The following DLGAP1 variants were observed in gnomAD, a reference collection of about 807,000 sequenced individuals.
DLGAP1 encodes the protein DLG associated protein 1.
DLGAP1 carries 11 observed loss-of-function variants against 90.8 expected under a neutral mutation model. The observed-to-expected ratio is 0.12, with a 90% confidence interval of 0.08 to 0.20. The LOEUF (loss-of-function observed/expected upper bound fraction) is 0.20, where lower values mean the gene tolerates loss of function less well. DLGAP1 is among the 10% of genes least tolerant of loss of function. DLGAP1 has a pLI of 1.00. For synonymous variants in DLGAP1, 558 were observed against 540.7 expected (o/e 1.03, Z -0.44); for missense variants, 1,050 against 1,333.8 (o/e 0.79, Z 3.31).
In DLGAP1 at chr18:4,004,907, GGTGTGTGT is replaced by G. The variant is rs3031739; in HGVS notation, c.-73+201_-73+208del. The G allele has an allele frequency of 4.4e-3, 646 of 146,942 alleles. 6 individuals carry two copies. The highest frequency in any genetic ancestry group is 0.017 in the Middle Eastern group (5 of 286). 9.1% of individuals were successfully genotyped at this position (146,942 alleles called of 1,614,324 possible). A position where few individuals can be genotyped will look rare whatever the true frequency, so the allele number is the denominator to read the frequency against. On this transcript the variant is annotated intron_variant, in intron 3 of 12. Coordinates refer to ENST00000315677, the MANE Select transcript of DLGAP1 (RefSeq NM_004746.4). ...GTCCATTAATTGCCTCAGAGGGAAG[GGTGTGTGT>G]GTGTGTGTGTGTGTGTGTGTGTGTG...
intron 2 of DLGAP1, among the ~76,000 whole-genome samples, chr18:4,069,523 T>C (rs566943125): frequency 8.1e-4 from 124 of 152,266 alleles, no homozygotes; most frequent in Middle Eastern, 3.4e-3. Flanking sequence ...CCCTTGGTAT[T>C]GTCCTCGAGA....
intron 5 of DLGAP1, among the ~76,000 whole-genome samples, chr18:3,773,362 T>C (rs561902173): frequency 1.3e-5 from 2 of 152,316 alleles, no homozygotes; most frequent in Admixed American, 6.5e-5. Flanking sequence ...CATAACACAG[T>C]GTTTTGTATA....
chr18:4,362,118 T>C (rs1383778295), intron 1 of DLGAP1, among the ~76,000 whole-genome samples: 3 of 152,170 alleles, frequency 2.0e-5, no homozygotes, highest in Non-Finnish European at 4.4e-5. Context: ...ACTGGAACAC[T>C]TGTACACTGT....
rs137867975 is a variant in DLGAP1, at chr18:3,589,971, C to A, written c.1592-7723G>T. On this transcript the variant is annotated intron_variant, in intron 7 of 12. Coordinates refer to ENST00000315677, the MANE Select transcript of DLGAP1 (RefSeq NM_004746.4). Reference sequence around the variant, plus strand: ...TGTTGCCCAGGCTGGAGCGCAATGGCACCGTCTCGGCTCACTGCAACATCC... The same window carrying A: ...TGTTGCCCAGGCTGGAGCGCAATGGAACCGTCTCGGCTCACTGCAACATCC... Among the ~76,000 whole-genome samples, 680 of 152,290 alleles carry A rather than the reference C, an allele frequency of 4.5e-3. 4 individuals are homozygous for A. The highest frequency in any genetic ancestry group is 0.015 in the African/African-American group (640 of 41,572).
intron 1 of DLGAP1, among the ~76,000 whole-genome samples, chr18:4,291,619 G>A (rs2079851757): frequency 1.3e-5 from 2 of 151,776 alleles, no homozygotes; most frequent in Non-Finnish European, 2.9e-5. Flanking sequence ...ATCATCAGTA[G>A]GTCTCATTTA....
chr18:3,512,816 A>G (rs976859784), intron 10 of DLGAP1, among the ~76,000 whole-genome samples: 13 of 152,190 alleles, frequency 8.5e-5, no homozygotes, highest in African/African-American at 3.1e-4. Flanking sequence ...TTGCGTCTGA[A>G]TCTACTTAAG....
chr18:3,705,740 C>A (rs182997493), intron 7 of DLGAP1, among the ~76,000 whole-genome samples: 1 of 151,646 alleles, frequency 6.6e-6, no homozygotes, highest in South Asian at 2.1e-4. Flanking sequence ...CTCACTACAA[C>A]CTCTGCCTCC....
intron 4 of DLGAP1, among the ~76,000 whole-genome samples, chr18:3,872,809 A>G (rs921496066): frequency 6.6e-6 from 1 of 152,150 alleles, no homozygotes; most frequent in African/African-American, 2.4e-5. Context: ...AATCAAGCAA[A>G]CTGTCTTCTG....
At chr18:4,421,252 ATC>A (rs937545445) in intron 1 of DLGAP1, among the ~76,000 whole-genome samples, 9 of 150,388 alleles carry the variant, frequency 6.0e-5, no homozygotes, top group Admixed American at 2.0e-4. Flanking sequence ...TTGTAGCCAC[ATC>A]TCTCTCTCTC....
In DLGAP1 at chr18:4,211,983, CAA is replaced by C. The variant is rs544743299; in HGVS notation, c.-266-60698_-266-60697del. On this transcript the variant is annotated intron_variant, in intron 1 of 12. Coordinates refer to ENST00000315677, the MANE Select transcript of DLGAP1 (RefSeq NM_004746.4). ...AGTCCCAAGAAACTTTTTAAAAATA[CAA>C]ACATGTCTGTGTTTTGTATGCGTTT... Among the ~76,000 whole-genome samples the C allele has an allele frequency of 5.1e-4, 78 of 152,246 alleles. 1 individual carries two copies. The highest frequency in any genetic ancestry group is 1.9e-3 in the East Asian group (10 of 5,178).
intron 3 of DLGAP1, among the ~76,000 whole-genome samples, chr18:3,922,902 C>T (rs1046027175): frequency 6.6e-6 from 1 of 151,862 alleles, no homozygotes; most frequent in Non-Finnish European, 1.5e-5. Flanking sequence ...GGAGGCTGAG[C>T]GGGGAGGATC....
intron 1 of DLGAP1, among the ~76,000 whole-genome samples, chr18:4,186,714 G>T (rs9949503): frequency 0.46 from 69,989 of 151,930 alleles, 18,000 homozygotes; most frequent in East Asian, 0.7. Flanking sequence ...AATGTGATGC[G>T]TCCAGCTTTG....
chr18:4,297,676 A>C (rs2080016252), intron 1 of DLGAP1, among the ~76,000 whole-genome samples: 2 of 152,156 alleles, frequency 1.3e-5, no homozygotes, highest in Non-Finnish European at 2.9e-5. Flanking sequence ...AGATCTGGAG[A>C]CAAGGCTCTC....
At position 3,567,549 on chromosome 18, in the gene DLGAP1, C is replaced by T. The variant is rs1168791736; in HGVS notation, c.1998G>A (p.Gly666=). 1 of 1,613,948 alleles carries T rather than the reference C, an allele frequency of 6.2e-7. No individual in the cohort carries two copies. Among genetic ancestry groups the T allele is most frequent in the Non-Finnish European group, 8.5e-7 (1 of 1,179,956 alleles). ...VDDAEEPDKT[G]ENKAPSKFQS... ...GGAACTTACTGGGTGCTTTATTCTC[C>T]CCTGTTTTGTCAGGTTCTTCAGCAT... Residue 666 remains glycine (G), a synonymous_variant, in exon 9 of 13, where the codon GGG becomes GGA. Transcript: ENST00000315677.
intron 3 of DLGAP1, among the ~76,000 whole-genome samples, chr18:3,930,677 C>A (rs1284632071): frequency 6.6e-6 from 1 of 152,118 alleles, no homozygotes; most frequent in Non-Finnish European, 1.5e-5. Context: ...TTCTACGGAT[C>A]CCAAAGGGAC....
intron 7 of DLGAP1, among the ~76,000 whole-genome samples, chr18:3,643,399 C>T (rs772490444): frequency 1.3e-5 from 2 of 152,114 alleles, no homozygotes; most frequent in Non-Finnish European, 2.9e-5. Flanking sequence ...TGCAGTGGCT[C>T]ACGCCTATAA....
chr18:3,572,638 C>T (rs950693996), intron 8 of DLGAP1, among the ~76,000 whole-genome samples: 5 of 152,100 alleles, frequency 3.3e-5, no homozygotes, highest in Non-Finnish European at 5.9e-5. Context: ...TTAGTAGAGA[C>T]GGGATTTTGC....
intron 1 of DLGAP1, among the ~76,000 whole-genome samples, chr18:4,209,907 C>T (rs1047646716): frequency 1.1e-4 from 16 of 152,120 alleles, no homozygotes; most frequent in Admixed American, 7.9e-4. Flanking sequence ...CCTGGCCTGC[C>T]GCCTACTCCT....
intron 2 of DLGAP1, among the ~76,000 whole-genome samples, chr18:4,135,653 T>G (rs1488658237): frequency 2.0e-5 from 3 of 152,120 alleles, no homozygotes; most frequent in Non-Finnish European, 4.4e-5. Context: ...CTATCTCCAT[T>G]AGTTCAGTTG....
Sources: gnomAD v4.1 joint callset for allele counts (sites outside exome capture counted in the v4.1 genomes callset) on GRCh38, gnomAD v4.1.1 for gene constraint, MANE v1.5 for transcripts, NCBI Gene and HGNC (gene_info 2026-07-23, HGNC 2026-07-21) for gene names.